TMEM62: variants seen among roughly 807,000 people sequenced by gnomAD.
The protein encoded by TMEM62 is transmembrane protein 62.
Under a neutral mutation model 70.4 loss-of-function variants are expected in TMEM62, and 41 were observed. The observed-to-expected ratio is 0.58, with a 90% CI of 0.45 to 0.76. The LOEUF (loss-of-function observed/expected upper bound fraction) is 0.76. Among genes scored for constraint, TMEM62 ranks in the 30% least tolerant of loss-of-function variants. The probability of loss-of-function intolerance (pLI) is 0.00; values close to 1 mark genes in which losing one functional copy is unlikely to be tolerated. For missense variants in TMEM62, 688 were observed against 788.5 expected (o/e 0.87, Z 1.53); for synonymous variants, 268 against 291.0 (o/e 0.92, Z 0.80).
chr15:43,166,700 C>A (rs544049550), intron 10 of TMEM62, among the ~76,000 whole-genome samples: 1 of 152,078 alleles, frequency 6.6e-6, no homozygotes, highest in Non-Finnish European at 1.5e-5. Context: ...GAGGACCCTG[C>A]GGCCTTCCGC....
chr15:43,178,861 G>A (rs1357024934), intron 12 of TMEM62, 150 bp downstream of exon 12: 9 of 515,578 alleles, frequency 1.7e-5, no homozygotes, highest in African/African-American at 9.8e-5. Context: ...AATAAAGCTC[G>A]TGCCTAACAT....
At chr15:43,148,924 T>C (rs764427761) in intron 6 of TMEM62, 45 bp downstream of exon 6, 8 of 1,603,146 alleles carry the variant, frequency 5.0e-6, no homozygotes, top group Non-Finnish European at 6.0e-6. Context: ...TTTTAGTTTT[T>C]TTATTTTGCT....
chr15:43,171,821 G>A (rs906543467), intron 11 of TMEM62, among the ~76,000 whole-genome samples: 1 of 151,554 alleles, frequency 6.6e-6, no homozygotes, highest in African/African-American at 2.4e-5. Flanking sequence ...TAGAGACAGG[G>A]TTTCACCATG....
At position 43,146,540 on chromosome 15, in the gene TMEM62, G is replaced by T; in HGVS notation, c.524G>T (p.Ser175Ile). ...GATGGCTCTTTCCATTATGTCCACA[G>T]TACTCCCTTTGGCAACTATTCGTTC... is the stretch of plus-strand genomic sequence containing the variant. ...RRDGSFHYVH[S>I]TPFGNYSFIC... is the part of the protein sequence containing the mutation. The change falls in exon 5 of 14, where the codon AGT (serine) becomes ATT (isoleucine). Residue 175 changes from serine to isoleucine, a missense_variant. By Grantham distance (142) the Ser-to-Ile change is moderately radical (BLOSUM62 -2). Transcript: ENST00000260403. 1 of 1,613,780 alleles carries T rather than the reference G, an allele frequency of 6.2e-7. No individual in the cohort carries two copies. The highest frequency in any genetic ancestry group is 1.1e-5 in the South Asian group (1 of 91,048).
At chr15:43,156,334 C>G (rs955704911) in intron 9 of TMEM62, among the ~76,000 whole-genome samples, 1 of 152,134 alleles carries the variant, frequency 6.6e-6, no homozygotes, top group African/African-American at 2.4e-5. Context: ...AATGGAGAAA[C>G]TTGTACATCT....
chr15:43,166,958 C>T (rs2141927536), intron 10 of TMEM62, among the ~76,000 whole-genome samples: 1 of 152,356 alleles, frequency 6.6e-6, no homozygotes, highest in Non-Finnish European at 1.5e-5. Context: ...ACACGGCAAC[C>T]ATCCGATTTC....
intron 11 of TMEM62, among the ~76,000 whole-genome samples, chr15:43,174,988 G>A (rs776388497): frequency 6.6e-6 from 1 of 152,156 alleles, no homozygotes; most frequent in African/African-American, 2.4e-5. Context: ...CTGGGTTGCT[G>A]CCTAAGATCT....
chr15:43,165,121 C>T (rs1051136347), intron 10 of TMEM62, among the ~76,000 whole-genome samples: 1 of 151,832 alleles, frequency 6.6e-6, no homozygotes, highest in Non-Finnish European at 1.5e-5. Context: ...TAAAAAAGTT[C>T]TCTATTATTA....
chr15:43,184,690 G>A lies in TMEM62; in HGVS notation c.*104G>A. 1.0e-6 allele frequency: 1 copy of A among 1,001,794 alleles called. No individual in the cohort carries two copies. The highest frequency in any genetic ancestry group is 1.5e-6 in the Non-Finnish European group (1 of 686,350). The allele number at this position is 1,001,794 out of a possible 1,614,324, so 62.1% of individuals were successfully genotyped here. On this transcript the variant is annotated 3_prime_UTR_variant, in exon 14 of 14. Transcript: ENST00000260403. ...GTGGAGGGCCAGGATTGGTGGGTGA[G>A]CTTTAGGGAGCAGCTGCTCGTTTGG...
At chr15:43,144,767 CTGTT>C (rs1324787164) in intron 4 of TMEM62, among the ~76,000 whole-genome samples, 3 of 152,124 alleles carry the variant, frequency 2.0e-5, no homozygotes, top group African/African-American at 4.8e-5. Flanking sequence ...TTCCTGTTAA[CTGTT>C]TGTATCTTTC....
chr15:43,165,727 C>T (rs1194507825), intron 10 of TMEM62, among the ~76,000 whole-genome samples: 2 of 147,808 alleles, frequency 1.4e-5, no homozygotes, highest in African/African-American at 2.5e-5. Context: ...AGCAAGACTC[C>T]GTCTCAAAAA....
rs540882528 is a variant in TMEM62, at chr15:43,182,610, T to C, written c.1605+1311T>C. Among the ~76,000 whole-genome samples the C allele has an allele frequency of 5.7e-4, 86 of 152,178 alleles. No individual in the cohort carries two copies. In the South Asian group the frequency reaches 8.7e-3, roughly 15 times the overall value. On this transcript the variant is annotated intron_variant, in intron 13 of 13. Coordinates refer to ENST00000260403, the MANE Select transcript of TMEM62 (RefSeq NM_024956.4). Reference sequence around the variant, plus strand: ...CTGGGGTTACAGGTGCCTGCCACCATGCCCGGCTAATTTTTGTATTTTTAG... The same window carrying C: ...CTGGGGTTACAGGTGCCTGCCACCACGCCCGGCTAATTTTTGTATTTTTAG...
chr15:43,168,463 T>A (rs2039831799), intron 10 of TMEM62, among the ~76,000 whole-genome samples: 1 of 152,122 alleles, frequency 6.6e-6, no homozygotes, highest in African/African-American at 2.4e-5. Flanking sequence ...GGTCTTTCTC[T>A]TCAACACAGC....
chr15:43,150,714 G>A (rs1405152923), intron 7 of TMEM62, among the ~76,000 whole-genome samples: 3 of 152,016 alleles, frequency 2.0e-5, no homozygotes, highest in East Asian at 1.9e-4. Context: ...TTCCTATTTC[G>A]ACATGTCGAT....
At position 43,184,270 on chromosome 15, in the gene TMEM62, T is replaced by G; in HGVS notation, c.1616T>G (p.Phe539Cys). The G allele has an allele frequency of 6.2e-7, 1 of 1,611,332 alleles. No homozygotes were observed. Among genetic ancestry groups the G allele is most frequent in the Non-Finnish European group, 8.5e-7 (1 of 1,178,526 alleles). The change falls in exon 14 of 14, where the codon TTT (phenylalanine) becomes TGT (cysteine). Residue 539 changes from phenylalanine (F) to cysteine (C), a missense_variant. Phe to Cys is a radical substitution (Grantham distance 205, BLOSUM62 -2). Coordinates refer to ENST00000260403, the MANE Select transcript of TMEM62 (RefSeq NM_024956.4). ...FIIGILQLAF[F>C]NIPLMAYMCW... ...TCTGTTCTTTTCCAGCTGGCGTTTTTTAACATCCCCTTGATGGCTTACATG... is the reference window on the plus strand; with the variant it reads ...TCTGTTCTTTTCCAGCTGGCGTTTTGTAACATCCCCTTGATGGCTTACATG...
At chr15:43,162,998 G>GC (rs1234883496) in intron 10 of TMEM62, among the ~76,000 whole-genome samples, 1 of 150,046 alleles carries the variant, frequency 6.7e-6, no homozygotes, top group Non-Finnish European at 1.5e-5. Flanking sequence ...TAAAATATAA[G>GC]CCCCATGAGG....
At chr15:43,156,531 C>G (rs1358071743) in intron 9 of TMEM62, among the ~76,000 whole-genome samples, 1 of 152,080 alleles carries the variant, frequency 6.6e-6, no homozygotes, top group East Asian at 1.9e-4. Context: ...ATAAATTATT[C>G]CCTGTCTTCA....
intron 3 of TMEM62, among the ~76,000 whole-genome samples, chr15:43,136,648 G>A (rs1342090881): frequency 6.6e-6 from 1 of 151,686 alleles, no homozygotes; most frequent in Non-Finnish European, 1.5e-5. Context: ...AAGAGGTGGG[G>A]TTTCACCACA....
At position 43,133,890 on chromosome 15, in the gene TMEM62, G is replaced by T; in HGVS notation, c.88G>T (p.Gly30Cys). The stretch of plus-strand genomic sequence containing the variant: ...GCTCTTGGAGCACTACGGCCTGGCG[G>T]GCCAGCCCTCGCCGCTGCCGCGCCC... ...AMLLEHYGLA[G>C]QPSPLPRPAP... The change falls in exon 1 of 14, where the codon GGC (glycine) becomes TGC (cysteine). Residue 30 changes from glycine to cysteine, a missense_variant. By Grantham distance (159) the Gly-to-Cys change is radical. Coordinates refer to ENST00000260403, the MANE Select transcript of TMEM62 (RefSeq NM_024956.4). 2 of 1,500,898 alleles carry T rather than the reference G, an allele frequency of 1.3e-6. No individual in the cohort carries two copies. Among genetic ancestry groups the T allele is most frequent in the Non-Finnish European group, 1.8e-6 (2 of 1,133,088 alleles). The allele number at this position is 1,500,898 out of a possible 1,614,324, so 93.0% of individuals were successfully genotyped here.
Sources: allele counts gnomAD v4.1 joint callset (sites outside exome capture counted in the v4.1 genomes callset), GRCh38; gene constraint gnomAD v4.1.1; transcripts MANE v1.5; gene names NCBI Gene and HGNC (gene_info 2026-07-23, HGNC 2026-07-21).